The following ZNF84 variants were observed in gnomAD, a reference collection of about 807,000 sequenced individuals.
The protein encoded by ZNF84 is zinc finger protein HPF2.
In ZNF84, 12 loss-of-function variants were observed where a neutral mutation model predicts 14.8. The ratio of observed to expected loss-of-function variants is 0.81; its 90% confidence interval spans 0.52 to 1.31. The LOEUF (loss-of-function observed/expected upper bound fraction) is 1.31, where lower values mean the gene tolerates loss of function less well. Ranked by LOEUF, ZNF84 falls within the 50% of genes most tolerant of loss-of-function variation. The pLI is 0.00. For synonymous variants in ZNF84, 347 were observed against 291.1 expected (o/e 1.19, Z -1.96); for missense variants, 859 against 878.6 (o/e 0.98, Z 0.28).
At position 133,058,787 on chromosome 12, in the gene ZNF84, CCTT is replaced by C. The variant is rs2137427447; in HGVS notation, c.2075_2077del (p.Phe692del). 1 of 1,614,032 alleles carries C rather than the reference CCTT, an allele frequency of 6.2e-7. No individual in the cohort carries two copies. The highest frequency in any genetic ancestry group is 8.5e-7 in the Non-Finnish European group (1 of 1,179,986). On this transcript the variant is annotated inframe_deletion, in exon 5 of 5. Coordinates refer to ENST00000539354, the MANE Select transcript of ZNF84 (RefSeq NM_001289971.2). Reference sequence around the variant, plus strand: ...TATGGATGCAGTGAATGTAGGAAGGCCTTCTCTCAGAAGTCACAGCTGGTTAAT... The same window carrying C: ...TATGGATGCAGTGAATGTAGGAAGGCCTCTCAGAAGTCACAGCTGGTTAAT...
intron 1 of ZNF84, 120 bp downstream of exon 1, chr12:133,037,665 G>A (rs974199373): frequency 6.6e-6 from 1 of 152,088 alleles, no homozygotes; most frequent in Non-Finnish European, 1.5e-5. Context: ...GCGCGCGGAT[G>A]CGGGTCTGGG....
chr12:133,051,946 G>GC (rs1220321313), intron 4 of ZNF84, among the ~76,000 whole-genome samples: 1 of 152,116 alleles, frequency 6.6e-6, no homozygotes, highest in African/African-American at 2.4e-5. Context: ...AAGTTACTGT[G>GC]CTAGGTACTA....
intron 4 of ZNF84, among the ~76,000 whole-genome samples, chr12:133,053,267 A>C: frequency 6.6e-6 from 1 of 152,202 alleles, no homozygotes; most frequent in Non-Finnish European, 1.5e-5. Context: ...AAAAAAAGTA[A>C]AGATGGGGGA....
Position 133,058,881 on chromosome 12 carries a change from G to T in ZNF84, c.2166G>T (p.Gln722His). The T allele has an allele frequency of 1.2e-6, 2 of 1,613,074 alleles. No individual in the cohort carries two copies. Among genetic ancestry groups the T allele is most frequent in the Non-Finnish European group, 8.5e-7 (1 of 1,179,630 alleles). Residue 722 changes from glutamine (Q) to histidine (H), a missense_variant, in exon 5 of 5, where the codon CAG (glutamine) becomes CAT (histidine). Transcript: ENST00000539354. ...TTGAATGTGGGAAAGCTTTCTCACAGAAGTCACAGCTCATCAATCATCAGA... is the reference window on the plus strand; with the variant it reads ...TTGAATGTGGGAAAGCTTTCTCACATAAGTCACAGCTCATCAATCATCAGA... ...RCIECGKAFS[Q>H]KSQLINHQRT...
chr12:133,042,995 T>A (rs1407105973), intron 2 of ZNF84, among the ~76,000 whole-genome samples: 2 of 152,172 alleles, frequency 1.3e-5, no homozygotes, highest in East Asian at 3.9e-4. Context: ...CCTGACTTTA[T>A]AGTTCTGCTC....
intron 2 of ZNF84, 86 bp from the exon 3 acceptor site, chr12:133,047,867 TGA>T: frequency 1.4e-6 from 2 of 1,466,130 alleles, no homozygotes; most frequent in Non-Finnish European, 1.9e-6. Context: ...TAACTTGTTA[TGA>T]GAATGAAGTG....
At position 133,048,107 on chromosome 12, in the gene ZNF84, T is replaced by C. The variant is rs947246937; in HGVS notation, c.142+26T>C. 2.3e-5 allele frequency: 37 copies of C among 1,607,440 alleles called. No individual in the cohort carries two copies. The African/African-American group carries it at 4.4e-4, about 19-fold the overall frequency. The stretch of plus-strand genomic sequence containing the variant: ...GTAATAAAAGCTTTCTTGAGGACCT[T>C]GGACTATGCCCAATGCATTGCCTTT... On this transcript the variant is annotated intron_variant, in intron 3 of 4. Transcript: ENST00000539354.
chr12:133,049,903 G>C (rs1049784748), intron 4 of ZNF84, among the ~76,000 whole-genome samples: 3 of 152,176 alleles, frequency 2.0e-5, no homozygotes, highest in Admixed American at 6.5e-5. Context: ...TCTCATTTCT[G>C]AAGTTGTCAA....
chr12:133,062,590 A>AT lies in ZNF84; in HGVS notation c.*3659dup, dbSNP rs1351685241. ...TGATAACCAACCATAACCCTTGCAG[A>AT]TGCATGCATGTTTTCTGCACCTTGC... On this transcript the variant is annotated 3_prime_UTR_variant, in exon 5 of 5. Transcript: ENST00000539354. 6.0e-6 allele frequency: 1 copy of AT among 165,878 alleles called. No homozygotes were observed. The highest frequency in any genetic ancestry group is 1.3e-5 in the Non-Finnish European group (1 of 75,370). The allele number at this position is 165,878 out of a possible 1,614,324, so 10.3% of individuals were successfully genotyped here. A position where few individuals can be genotyped will look rare whatever the true frequency, so the allele number is the denominator to read the frequency against.
At chr12:133,056,919 C>T in intron 4 of ZNF84, 35 bp from the exon 5 acceptor site, 1 of 1,510,242 alleles carries the variant, frequency 6.6e-7, no homozygotes, top group Non-Finnish European at 8.8e-7. Context: ...TTTTAGAAAG[C>T]ACAACCAAAC....
In ZNF84 at chr12:133,057,382, A is replaced by G; in HGVS notation, c.667A>G (p.Ile223Val). ...RKRFSKKPSL[I>V]KHQSRHIRDI... ...GCGCTTCAGTAAGAAACCAAGTCTC[A>G]TTAAACATCAGAGCAGACATATAAG... The change falls in exon 5 of 5, where the codon ATT becomes GTT. Residue 223 changes from isoleucine (I) to valine (V), a missense_variant. Physicochemically the swap from Ile to Val is conservative, Grantham distance 29. Coordinates refer to ENST00000539354, the MANE Select transcript of ZNF84 (RefSeq NM_001289971.2). 6.2e-7 allele frequency: 1 copy of G among 1,614,084 alleles called. No individual in the cohort carries two copies. The highest frequency in any genetic ancestry group is 8.5e-7 in the Non-Finnish European group (1 of 1,180,044).
intron 4 of ZNF84, among the ~76,000 whole-genome samples, chr12:133,053,884 C>G (rs1954110040): frequency 2.0e-5 from 3 of 152,086 alleles, no homozygotes; most frequent in Admixed American, 2.0e-4. Flanking sequence ...ATTCTTTTTC[C>G]CTTTATTTTC....
At chr12:133,037,968 A>C (rs1953817010) in intron 1 of ZNF84, 1 of 152,260 alleles carries the variant, frequency 6.6e-6, no homozygotes, top group Non-Finnish European at 1.5e-5. Context: ...CTGGGGTTAC[A>C]GGTGTGAGCC....
At chr12:133,038,030 AT>A (rs1188140792) in intron 1 of ZNF84, 1 of 152,116 alleles carries the variant, frequency 6.6e-6, no homozygotes, top group Non-Finnish European at 1.5e-5. Context: ...ACTGTTTTAA[AT>A]TTTTTAAGTG....
At chr12:133,050,043 T>C (rs1466232118) in intron 4 of ZNF84, among the ~76,000 whole-genome samples, 1 of 152,166 alleles carries the variant, frequency 6.6e-6, no homozygotes, top group Non-Finnish European at 1.5e-5. Flanking sequence ...CTTTGTGACA[T>C]TGACTTACTT....
intron 3 of ZNF84, 197 bp from the exon 4 acceptor site, chr12:133,048,556 G>A (rs1462531694): frequency 4.9e-6 from 2 of 407,384 alleles, no homozygotes; most frequent in African/African-American, 4.0e-5. Context: ...TGGCTCCAGA[G>A]CCTCTGAAGT....
intron 4 of ZNF84, among the ~76,000 whole-genome samples, chr12:133,054,808 G>A (rs1954126189): frequency 6.6e-6 from 1 of 151,410 alleles, no homozygotes; most frequent in South Asian, 2.1e-4. Context: ...AAACTCTTAG[G>A]TATTAAGCAT....
At chr12:133,042,786 C>T (rs1453072988) in intron 2 of ZNF84, among the ~76,000 whole-genome samples, 1 of 152,192 alleles carries the variant, frequency 6.6e-6, no homozygotes, top group Non-Finnish European at 1.5e-5. Flanking sequence ...ACTGTAAGGC[C>T]TAATTTACAT....
At position 133,058,596 on chromosome 12, in the gene ZNF84, T is replaced by C. The variant is rs984691212; in HGVS notation, c.1881T>C (p.Tyr627=). 1,047 of 1,614,164 alleles carry C rather than the reference T, an allele frequency of 6.5e-4. 1 individual carries two copies. Among genetic ancestry groups the C allele is most frequent in the African/African-American group, 4.9e-3 (367 of 75,058 alleles). The change falls in exon 5 of 5, where the codon TAT becomes TAC. Residue 627 remains tyrosine (Y), a synonymous_variant. Transcript: ENST00000539354. ...GAACTCATACAGGAGAAAAACCTTATGAATGCAATGAATGTAGAAAAGCCT... is the reference window on the plus strand; with the variant it reads ...GAACTCATACAGGAGAAAAACCTTACGAATGCAATGAATGTAGAAAAGCCT... ...HLRTHTGEKP[Y]ECNECRKAFR... is the part of the protein sequence containing the mutation.
Sources: allele counts gnomAD v4.1 joint callset (sites outside exome capture counted in the v4.1 genomes callset), GRCh38; gene constraint gnomAD v4.1.1; transcripts MANE v1.5; gene names NCBI Gene and HGNC (gene_info 2026-07-23, HGNC 2026-07-21).